ZNF385D: variants seen among roughly 807,000 people sequenced by gnomAD.
The protein encoded by ZNF385D is zinc finger protein 659.
Under a neutral mutation model 35.8 loss-of-function variants are expected in ZNF385D, and 15 were observed. The observed-to-expected ratio is 0.42, with a 90% CI of 0.28 to 0.64. The LOEUF is 0.64. Among genes scored for constraint, ZNF385D ranks in the 30% least tolerant of loss-of-function variants. The pLI, the probability that ZNF385D is intolerant of heterozygous loss-of-function variation, is 0.23. For missense variants in ZNF385D, 474 were observed against 494.6 expected, an observed-to-expected ratio of 0.96 and a Z score of 0.39; for synonymous variants, 212 against 186.8, an observed-to-expected ratio of 1.13 and a Z score of -1.10.
intron 1 of ZNF385D, among the ~76,000 whole-genome samples, chr3:21,714,738 C>A (rs2068245510): frequency 6.6e-6 from 1 of 152,180 alleles, no homozygotes; most frequent in Non-Finnish European, 1.5e-5. Context: ...TCATTCTCAC[C>A]TTCCCTTTAC....
intron 3 of ZNF385D, among the ~76,000 whole-genome samples, chr3:21,917,079 C>T (rs1700224582): frequency 6.6e-6 from 1 of 152,066 alleles, no homozygotes; most frequent in Non-Finnish European, 1.5e-5. Flanking sequence ...AAATAGAGTC[C>T]ATTAAAGAAT....
intron 3 of ZNF385D, among the ~76,000 whole-genome samples, chr3:22,062,147 C>A (rs1003295389): frequency 1.3e-5 from 2 of 152,160 alleles, no homozygotes; most frequent in South Asian, 4.1e-4. Flanking sequence ...AAGCAATTCT[C>A]CCACCTCAAC....
intron 3 of ZNF385D, among the ~76,000 whole-genome samples, chr3:22,128,789 A>G (rs1559390785): frequency 2.0e-5 from 3 of 152,088 alleles, no homozygotes; most frequent in Admixed American, 2.0e-4. Context: ...TAAGATTTTG[A>G]ATTCCTTCTC....
chr3:21,820,561 TG>T (rs535873273), intron 3 of ZNF385D, among the ~76,000 whole-genome samples: 3,016 of 151,574 alleles, frequency 0.02, 92 homozygotes, highest in African/African-American at 0.067. Context: ...TAATAATTTA[TG>T]AATAGAAAAA....
chr3:22,236,909 T>A (rs1699218225), intron 2 of ZNF385D, among the ~76,000 whole-genome samples: 1 of 152,232 alleles, frequency 6.6e-6, no homozygotes, highest in Non-Finnish European at 1.5e-5. Context: ...ATGAATATAG[T>A]ACATTTTATT....
chr3:21,588,774 C>A (rs557482340), intron 2 of ZNF385D, among the ~76,000 whole-genome samples: 1 of 151,968 alleles, frequency 6.6e-6, no homozygotes, highest in African/African-American at 2.4e-5. Context: ...ATGTAGAGGC[C>A]ATGACCTACT....
intron 3 of ZNF385D, among the ~76,000 whole-genome samples, chr3:22,157,102 A>G (rs1705637160): frequency 6.6e-6 from 1 of 152,132 alleles, no homozygotes; most frequent in African/African-American, 2.4e-5. Context: ...AGCTATTGTA[A>G]CATCATGAAT....
intron 2 of ZNF385D, among the ~76,000 whole-genome samples, chr3:22,346,807 C>T (rs187612913): frequency 6.6e-5 from 10 of 152,200 alleles, no homozygotes; most frequent in African/African-American, 2.2e-4. Context: ...TCTAATGTGT[C>T]GATGGTAAAT....
At chr3:22,088,910 A>C (rs896927603) in intron 3 of ZNF385D, among the ~76,000 whole-genome samples, 2 of 152,166 alleles carry the variant, frequency 1.3e-5, no homozygotes, top group Non-Finnish European at 2.9e-5. Context: ...GTAAGGAAGC[A>C]GAGATGAAAA....
chr3:21,914,725 C>T lies in ZNF385D; in HGVS notation c.326-249697G>A, dbSNP rs1199558770. 2.6e-5 allele frequency among the ~76,000 whole-genome samples: 4 copies of T among 152,062 alleles called. No individual in the cohort carries two copies. The East Asian group carries it at 7.7e-4, about 29-fold the overall frequency. The stretch of plus-strand genomic sequence containing the variant: ...AGTGAAATATAAAATTATGAATGTG[C>T]AGCATCTTAAGAAAGAGTTTTACTT... On this transcript the variant is annotated intron_variant, in intron 3 of 5. Coordinates refer to the ZNF385D transcript ENST00000494108.
At chr3:21,689,221 A>T (rs1003372587) in intron 1 of ZNF385D, among the ~76,000 whole-genome samples, 4 of 152,138 alleles carry the variant, frequency 2.6e-5, no homozygotes, top group Admixed American at 6.6e-5. Context: ...TGCTCTAATA[A>T]AATACAGTAC....
chr3:22,353,945 T>A (rs573862361), intron 2 of ZNF385D, among the ~76,000 whole-genome samples: 1 of 152,118 alleles, frequency 6.6e-6, no homozygotes, highest in Non-Finnish European at 1.5e-5. Flanking sequence ...CTCATTTTCC[T>A]TCTTATCCAA....
At chr3:22,343,463 A>G (rs2125482924) in intron 2 of ZNF385D, among the ~76,000 whole-genome samples, 1 of 152,376 alleles carries the variant, frequency 6.6e-6, no homozygotes, top group East Asian at 1.9e-4. Flanking sequence ...AGGAACAACT[A>G]TGCAACAACT....
chr3:22,145,114 C>A (rs528709219), intron 3 of ZNF385D, among the ~76,000 whole-genome samples: 49 of 152,046 alleles, frequency 3.2e-4, no homozygotes, highest in African/African-American at 1.2e-3. Context: ...TACACACATA[C>A]ATTTGTATAT....
At chr3:21,937,709 T>C (rs1375695073) in intron 3 of ZNF385D, among the ~76,000 whole-genome samples, 1 of 152,178 alleles carries the variant, frequency 6.6e-6, no homozygotes, top group Non-Finnish European at 1.5e-5. Flanking sequence ...TACAGCTTGA[T>C]GTGAACAAGA....
At chr3:21,734,536 G>A (rs1575558266) in intron 1 of ZNF385D, among the ~76,000 whole-genome samples, 2 of 151,214 alleles carry the variant, frequency 1.3e-5, no homozygotes, top group South Asian at 4.2e-4. Context: ...GAAATACAGT[G>A]GGGAAAAAAA....
chr3:22,062,034 C>T (rs1203667704), intron 3 of ZNF385D, among the ~76,000 whole-genome samples: 1 of 152,024 alleles, frequency 6.6e-6, no homozygotes, highest in African/African-American at 2.4e-5. Flanking sequence ...CTTATTGTTG[C>T]ATTTAATTTT....
At chr3:21,736,309 C>T (rs1046029803) in intron 1 of ZNF385D, among the ~76,000 whole-genome samples, 31 of 152,098 alleles carry the variant, frequency 2.0e-4, no homozygotes, top group African/African-American at 7.0e-4. Context: ...ACCATAAAGA[C>T]ATGCTATAGA....
chr3:22,060,260 A>T lies in ZNF385D; in HGVS notation c.325+108557T>A, dbSNP rs138944578. Among the ~76,000 whole-genome samples, 196 of 152,308 alleles carry T rather than the reference A, an allele frequency of 1.3e-3. 1 individual carries two copies. The highest frequency in any genetic ancestry group is 4.0e-3 in the African/African-American group (168 of 41,576). On this transcript the variant is annotated intron_variant, in intron 3 of 5. Transcript: ENST00000494108. ...AATTATGTGAGCCAATTCCCATAAT[A>T]AATCCTCCTCTTATACTGTGTATCT... is the stretch of plus-strand genomic sequence containing the variant.
Sources: allele counts gnomAD v4.1 joint callset (sites outside exome capture counted in the v4.1 genomes callset), GRCh38; gene constraint gnomAD v4.1.1; transcripts MANE v1.5; gene names NCBI Gene and HGNC (gene_info 2026-07-23, HGNC 2026-07-21).